The following BEGAIN variants were observed in gnomAD, a reference collection of about 807,000 sequenced individuals.
The protein encoded by BEGAIN is brain enriched guanylate kinase associated, also known as brain-enriched guanylate kinase-associated protein.
In BEGAIN, 19 loss-of-function variants were observed where a neutral mutation model predicts 35.8. The observed-to-expected ratio is 0.53, with a 90% CI of 0.37 to 0.78. The LOEUF (loss-of-function observed/expected upper bound fraction) is 0.78, where lower values mean the gene tolerates loss of function less well. Among genes scored for constraint, BEGAIN ranks in the 30% least tolerant of loss-of-function variants. BEGAIN has a pLI of 0.00. For missense variants in BEGAIN, 795 were observed against 853.6 expected (o/e 0.93, Z 0.85); for synonymous variants, 462 against 388.6 (o/e 1.19, Z -2.22).
chr14:100,577,636 G>A (rs1379692130), intron 1 of BEGAIN: 2 of 398,984 alleles, frequency 5.0e-6, no homozygotes, highest in African/African-American at 2.1e-5. Context: ...GGGCAGTCTG[G>A]CCTCCCGCCA....
chr14:100,568,401 T>TG lies in BEGAIN; in HGVS notation c.43-463dup, dbSNP rs1358329212. 22 of 1,255,074 alleles carry TG rather than the reference T, an allele frequency of 1.8e-5. No homozygotes were observed. Among genetic ancestry groups the TG allele is most frequent in the Non-Finnish European group, 2.3e-5 (22 of 964,880 alleles). 77.7% of individuals were successfully genotyped at this position (1,255,074 alleles called of 1,614,324 possible). A position where few individuals can be genotyped will look rare whatever the true frequency, so the allele number is the denominator to read the frequency against. On this transcript the variant is annotated intron_variant, in intron 1 of 6. Transcript: ENST00000554140. This position sits in a 1 kb window ranked among gnomAD's most constrained non-coding sequence, Gnocchi z 7.5. The stretch of plus-strand genomic sequence containing the variant: ...GCAGAACCTCCGAGTCGGAGAATGT[T>TG]GGGGAATTCGGGGCCGTGCAGGATT...
In BEGAIN at chr14:100,537,855, C is replaced by T; in HGVS notation, c.*114G>A. 1 of 1,420,550 alleles carries T rather than the reference C, an allele frequency of 7.0e-7. No individual in the cohort carries two copies. Among genetic ancestry groups the T allele is most frequent in the South Asian group, 1.4e-5 (1 of 69,500 alleles). 88.0% of individuals were successfully genotyped at this position (1,420,550 alleles called of 1,614,324 possible). On this transcript the variant is annotated 3_prime_UTR_variant, in exon 7 of 7. Transcript: ENST00000554140. ...AGGAGGTGCGGGGAGGAACAGACTCCTCGTTGTTGGCCGGGGCAGGGGAAC... is the reference window on the plus strand; with the variant it reads ...AGGAGGTGCGGGGAGGAACAGACTCTTCGTTGTTGGCCGGGGCAGGGGAAC...
chr14:100,538,066 A>G lies in BEGAIN; in HGVS notation c.1742T>C (p.Leu581Pro). ...CCGCGGAAAGGCCTGCTGGGGGCTG[A>G]GGCGGGCGGCAGGATGCATTTCCGG... ...ASPEMHPAAR[L>P]SPQQAFPRTG... Residue 581 changes from leucine (L) to proline (P), a missense_variant, in exon 7 of 7, where the codon CTC becomes CCC. Coordinates refer to ENST00000554140, the MANE Select transcript of BEGAIN (RefSeq NM_001385089.1). 6.3e-7 allele frequency: 1 copy of G among 1,598,716 alleles called. No homozygotes were observed. The highest frequency in any genetic ancestry group is 8.5e-7 in the Non-Finnish European group (1 of 1,174,168).
rs575494507 is a variant in BEGAIN at position 100,584,821 on chromosome 14, C to T, written c.42+2428G>A. ...GTCCAGGCCTCTCCACTAAGGCTAG[C>T]GACCAGCTCTGCGGCAGGAAGGGGA... On this transcript the variant is annotated intron_variant, in intron 1 of 6. Transcript: ENST00000554140. 5.9e-5 allele frequency among the ~76,000 whole-genome samples: 9 copies of T among 152,212 alleles called. No individual in the cohort carries two copies. In the South Asian group the frequency reaches 1.9e-3, roughly 32 times the overall value.
At position 100,568,923 on chromosome 14, in the gene BEGAIN, C is replaced by A. The variant is rs1192023272; in HGVS notation, c.43-984G>T. On this transcript the variant is annotated intron_variant, in intron 1 of 6. Transcript: ENST00000554140. This position sits in a 1 kb window ranked among gnomAD's most constrained non-coding sequence, Gnocchi z 7.5. ...CCTGGGAAGACTGATGACTGCCCAT[C>A]CCGGCCCCTCGCGCCGGGCGCCGCC... 1 of 984,086 alleles carries A rather than the reference C, an allele frequency of 1.0e-6. No individual in the cohort carries two copies. Among genetic ancestry groups the A allele is most frequent in the East Asian group, 1.1e-4 (1 of 8,768 alleles). The allele number at this position is 984,086 out of a possible 1,614,324, so 61.0% of individuals were successfully genotyped here.
At position 100,566,446 on chromosome 14, in the gene BEGAIN, C is replaced by T. The variant is rs561497217; in HGVS notation, c.71+1465G>A. Among the ~76,000 whole-genome samples, 4 of 152,340 alleles carry T rather than the reference C, an allele frequency of 2.6e-5. No individual in the cohort carries two copies. The East Asian group carries it at 7.7e-4, about 29-fold the overall frequency. On this transcript the variant is annotated intron_variant, in intron 2 of 6. Coordinates refer to ENST00000554140, the MANE Select transcript of BEGAIN (RefSeq NM_001385089.1). ...AGAACCACCGCAGGGAACCCCCAGG[C>T]TGGCCTCAGGGCACCCCATGAATGC... is the stretch of plus-strand genomic sequence containing the variant.
intron 2 of BEGAIN, among the ~76,000 whole-genome samples, chr14:100,550,206 T>C (rs908212148): frequency 1.3e-5 from 2 of 152,124 alleles, no homozygotes; most frequent in Non-Finnish European, 2.9e-5. Flanking sequence ...CGAGAGCCCC[T>C]TCTGGCCACT....
intron 3 of BEGAIN, 23 bp downstream of exon 3, chr14:100,546,478 C>A: frequency 7.5e-7 from 1 of 1,336,918 alleles, no homozygotes; most frequent in South Asian, 1.5e-5. Context: ...TCGCCCCGCC[C>A]CGGCCCTCGC....
chr14:100,581,661 G>A (rs865860745), intron 1 of BEGAIN, among the ~76,000 whole-genome samples: 6 of 152,216 alleles, frequency 3.9e-5, no homozygotes, highest in African/African-American at 1.2e-4. Context: ...GTGACCCGTC[G>A]GAGGTCACAT....
At chr14:100,556,998 A>G (rs1287690857) in intron 2 of BEGAIN, among the ~76,000 whole-genome samples, 2 of 152,156 alleles carry the variant, frequency 1.3e-5, no homozygotes, top group African/African-American at 4.8e-5. Flanking sequence ...GCATGGCTGA[A>G]AGCACCACAC....
At chr14:100,582,439 A>G (rs111315805) in intron 1 of BEGAIN, among the ~76,000 whole-genome samples, 3,368 of 152,256 alleles carry the variant, frequency 0.022, 130 homozygotes, top group African/African-American at 0.077. Context: ...CACCGCGCCC[A>G]GTCAGAAGTG....
At chr14:100,551,392 C>T (rs577273617) in intron 2 of BEGAIN, among the ~76,000 whole-genome samples, 1 of 152,336 alleles carries the variant, frequency 6.6e-6, no homozygotes, top group African/African-American at 2.4e-5. Flanking sequence ...GATCCAACCT[C>T]TGCCTAGAGG....
In BEGAIN at chr14:100,559,446, C is replaced by T. The variant is rs557954604; in HGVS notation, c.71+8465G>A. Among the ~76,000 whole-genome samples, 11 of 152,346 alleles carry T rather than the reference C, an allele frequency of 7.2e-5. No homozygotes were observed. In the East Asian group the frequency reaches 7.7e-4, roughly 11 times the overall value. ...GCCCCATAGCCAGGAACGAGCTCCT[C>T]GTGGGACTCCCAAATTAACCTTTCA... is the stretch of plus-strand genomic sequence containing the variant. On this transcript the variant is annotated intron_variant, in intron 2 of 6. Transcript: ENST00000554140.
At chr14:100,564,541 A>T (rs1161088745) in intron 2 of BEGAIN, among the ~76,000 whole-genome samples, 1 of 152,166 alleles carries the variant, frequency 6.6e-6, no homozygotes, top group Non-Finnish European at 1.5e-5. Flanking sequence ...GCCAGCCGGG[A>T]CTTGGTAATA....
At chr14:100,570,757 C>T (rs1024583308) in intron 1 of BEGAIN, among the ~76,000 whole-genome samples, 11 of 152,324 alleles carry the variant, frequency 7.2e-5, no homozygotes, top group South Asian at 2.1e-4. Context: ...GGCTCCTGCA[C>T]GGGCCCAGCA....
At chr14:100,552,159 G>A (rs115591006) in intron 2 of BEGAIN, among the ~76,000 whole-genome samples, 2,669 of 152,212 alleles carry the variant, frequency 0.018, 86 homozygotes, top group African/African-American at 0.061. Flanking sequence ...GAATGAAGGC[G>A]CTCAGAGTAG....
rs2035144995 is a variant in BEGAIN, at chr14:100,573,900, G to T, written c.43-5961C>A. Among the ~76,000 whole-genome samples the T allele has an allele frequency of 6.6e-6, 1 of 152,026 alleles. No homozygotes were observed. The highest frequency in any genetic ancestry group is 1.5e-5 in the Non-Finnish European group (1 of 67,986). On this transcript the variant is annotated intron_variant, in intron 1 of 6. Coordinates refer to ENST00000554140, the MANE Select transcript of BEGAIN (RefSeq NM_001385089.1). The surrounding 1 kb of genome is among the most constrained non-coding windows in gnomAD (Gnocchi z 4.2). ...GAGCCCGGGACTCTGCCACTGTTGG[G>T]GATCAGGAGGTGAGCAGGACCGGCC...
chr14:100,555,462 C>A (rs968292672), intron 2 of BEGAIN, among the ~76,000 whole-genome samples: 3 of 152,254 alleles, frequency 2.0e-5, no homozygotes, highest in African/African-American at 7.2e-5. Flanking sequence ...CCACTTCCAA[C>A]AGAAGGTGGG....
intron 2 of BEGAIN, among the ~76,000 whole-genome samples, chr14:100,556,525 G>A (rs909833016): frequency 6.6e-5 from 10 of 152,152 alleles, no homozygotes; most frequent in East Asian, 1.9e-4. Flanking sequence ...TGCTCAGAGC[G>A]TGCCCTTCCC....
Sources: allele counts gnomAD v4.1 joint callset (sites outside exome capture counted in the v4.1 genomes callset), GRCh38; gene constraint gnomAD v4.1.1; non-coding constraint Gnocchi (gnomAD v3.1); transcripts MANE v1.5; gene names NCBI Gene and HGNC (gene_info 2026-07-23, HGNC 2026-07-21).